ZNF138: variants seen among roughly 807,000 people sequenced by gnomAD.
ZNF138 encodes the protein zinc finger protein 138 (clone pHZ-32).
Under a neutral mutation model 33.0 loss-of-function variants are expected in ZNF138, and 33 were observed. That is an observed-to-expected ratio of 1.00 (90% CI 0.76 to 1.34). The LOEUF is 1.34. Ranked by LOEUF, ZNF138 falls within the 40% of genes most tolerant of loss-of-function variation. ZNF138 has a pLI of 0.00. For missense variants in ZNF138, 360 were observed against 370.8 expected, an observed-to-expected ratio of 0.97 and a Z score of 0.24; for synonymous variants, 139 against 120.4, an observed-to-expected ratio of 1.15 and a Z score of -1.01.
At chr7:64,805,458 T>G (rs1374276092) in intron 1 of ZNF138, among the ~76,000 whole-genome samples, 1 of 151,130 alleles carries the variant, frequency 6.6e-6, no homozygotes, top group Non-Finnish European at 1.5e-5. Flanking sequence ...TCCATTACTG[T>G]GAAGGTGCAA....
At chr7:64,810,431 ACCGTG>A (rs141627209) in intron 1 of ZNF138, among the ~76,000 whole-genome samples, 6 of 5,066 alleles carry the variant, frequency 1.2e-3, no homozygotes, top group African/African-American at 2.4e-3. Flanking sequence ...TGAGAGGGAG[ACCGTG>A]GGGAGAGGGA....
At chr7:64,819,908 T>A (rs1331364934) in intron 3 of ZNF138, among the ~76,000 whole-genome samples, 4 of 127,420 alleles carry the variant, frequency 3.1e-5, no homozygotes, top group African/African-American at 8.5e-5. Context: ...CAACTACAAA[T>A]TTTTTTTTTT....
chr7:64,811,253 G>A (rs1389202556), intron 1 of ZNF138, among the ~76,000 whole-genome samples: 1 of 152,214 alleles, frequency 6.6e-6, no homozygotes, highest in Non-Finnish European at 1.5e-5. Flanking sequence ...ATCATGTAAT[G>A]TGTTATTCCC....
the ZNF138 span, among the ~76,000 whole-genome samples, chr7:64,844,387 T>TC: frequency 7.3e-6 from 1 of 137,750 alleles, no homozygotes; most frequent in Non-Finnish European, 1.6e-5. Flanking sequence ...GTCTTACCAC[T>TC]CCCTTTCTCA....
At chr7:64,857,777 G>A in the ZNF138 span, among the ~76,000 whole-genome samples, 1 of 152,156 alleles carries the variant, frequency 6.6e-6, no homozygotes, top group Non-Finnish European at 1.5e-5. Flanking sequence ...CCAAACAAGT[G>A]CTTTTCATCA....
At chr7:64,843,036 T>A in the ZNF138 span, among the ~76,000 whole-genome samples, 1 of 152,206 alleles carries the variant, frequency 6.6e-6, no homozygotes, top group Non-Finnish European at 1.5e-5. Context: ...TAAGATTAAG[T>A]TTTTTAGAAT....
chr7:64,854,192 T>C, the ZNF138 span, among the ~76,000 whole-genome samples: 1 of 152,230 alleles, frequency 6.6e-6, no homozygotes, highest in Non-Finnish European at 1.5e-5. Context: ...TAGAGGATTC[T>C]ACTATACTGT....
chr7:64,833,704 TG>T (rs376131591), downstream of ZNF138: 9,252 of 21,754 alleles, frequency 0.43, 350 homozygotes, highest in East Asian at 0.52. Context: ...TTTTAGTGTG[TG>T]GTTTGTTTGT....
In ZNF138 at chr7:64,818,714, C is replaced by T. The variant is rs192513500; in HGVS notation, c.208+3061C>T. 3.7e-3 allele frequency among the ~76,000 whole-genome samples: 513 copies of T among 137,672 alleles called. 1 individual carries two copies. Among genetic ancestry groups the T allele is most frequent in the Middle Eastern group, 0.011 (3 of 278 alleles). 90.3% of individuals were successfully genotyped at this position (137,672 alleles called of 152,430 possible). A position where few individuals can be genotyped will look rare whatever the true frequency, so the allele number is the denominator to read the frequency against. On this transcript the variant is annotated intron_variant, in intron 3 of 3. Coordinates refer to ENST00000307355, the MANE Select transcript of ZNF138 (RefSeq NM_001271639.2). ...GTGGTGAGCCGAGATCATGCCTCTG[C>T]ACTTTAGCCTGGGTGACAGAGCGAG...
At chr7:64,823,006 G>A (rs1789291380) in intron 3 of ZNF138, among the ~76,000 whole-genome samples, 1 of 151,962 alleles carries the variant, frequency 6.6e-6, no homozygotes, top group African/African-American at 2.4e-5. Flanking sequence ...TCAGCCTCCT[G>A]AGTAGCTGAG....
At chr7:64,812,065 G>A (rs1788216812) in intron 1 of ZNF138, among the ~76,000 whole-genome samples, 2 of 152,008 alleles carry the variant, frequency 1.3e-5, no homozygotes, top group Non-Finnish European at 2.9e-5. Flanking sequence ...CTGGGTGGAA[G>A]CATTCATGTT....
the ZNF138 span, among the ~76,000 whole-genome samples, chr7:64,846,070 G>C: frequency 3.3e-5 from 5 of 152,174 alleles, no homozygotes; most frequent in South Asian, 1.0e-3. Flanking sequence ...TCAGTTGGCT[G>C]TAAGTATTTG....
intron 3 of ZNF138, among the ~76,000 whole-genome samples, chr7:64,816,771 G>C (rs115299974): frequency 3.4e-3 from 515 of 152,188 alleles, no homozygotes; most frequent in African/African-American, 0.012. Flanking sequence ...TTGTGATTTT[G>C]AAGGAGCAAA....
chr7:64,815,080 C>T (rs894047253), intron 2 of ZNF138, 36 bp downstream of exon 2: 2 of 1,491,548 alleles, frequency 1.3e-6, no homozygotes, highest in African/African-American at 1.5e-5. Flanking sequence ...CCTAATATAT[C>T]CTAAAGGTTT....
Position 64,815,060 on chromosome 7 carries a change from G to A in ZNF138, c.130+16G>A. 6.4e-7 allele frequency: 1 copy of A among 1,565,578 alleles called. No homozygotes were observed. The highest frequency in any genetic ancestry group is 8.6e-7 in the Non-Finnish European group (1 of 1,159,372). On this transcript the variant is annotated intron_variant, in intron 2 of 3. Coordinates refer to ENST00000307355, the MANE Select transcript of ZNF138 (RefSeq NM_001271639.2). Reference sequence around the variant, plus strand: ...GTTTTCTTGGGTGAGAATAACTTCAGTACACATTTCCTAATATATCCTAAA... The same window carrying A: ...GTTTTCTTGGGTGAGAATAACTTCAATACACATTTCCTAATATATCCTAAA...
intron 3 of ZNF138, among the ~76,000 whole-genome samples, chr7:64,818,112 T>A (rs936158588): frequency 3.4e-5 from 5 of 148,486 alleles, no homozygotes; most frequent in Non-Finnish European, 7.4e-5. Context: ...GCCTCCCAAG[T>A]AGCTGGGATA....
At chr7:64,853,469 T>C in the ZNF138 span, 2 of 591,520 alleles carry the variant, frequency 3.4e-6, no homozygotes, top group South Asian at 2.7e-5. Flanking sequence ...CTTTTTTCTA[T>C]ATATATGAGA....
downstream of ZNF138, among the ~76,000 whole-genome samples, chr7:64,834,298 TAAA>T (rs551299032): frequency 6.6e-6 from 1 of 151,620 alleles, no homozygotes; most frequent in Non-Finnish European, 1.5e-5. Flanking sequence ...GCAGTAAATA[TAAA>T]AAAAATCAAA....
At chr7:64,828,361 A>G (rs1789813590) in intron 3 of ZNF138, among the ~76,000 whole-genome samples, 2 of 152,022 alleles carry the variant, frequency 1.3e-5, no homozygotes, top group South Asian at 4.1e-4. Context: ...TTTCCATTTC[A>G]TGGCAGTTTT....
Sources: allele counts gnomAD v4.1 joint callset (sites outside exome capture counted in the v4.1 genomes callset), GRCh38; gene constraint gnomAD v4.1.1; transcripts MANE v1.5; gene names NCBI Gene and HGNC (gene_info 2026-07-23, HGNC 2026-07-21).